PARD3B: variants seen among roughly 807,000 people sequenced by gnomAD.
PARD3B encodes partitioning defective 3 homolog B.
In PARD3B, 103 loss-of-function variants were observed where a neutral mutation model predicts 130.2. That is an observed-to-expected ratio of 0.79 (90% CI 0.67 to 0.93). The LOEUF (loss-of-function observed/expected upper bound fraction) is 0.93. PARD3B is among the 40% of genes least tolerant of loss of function. The pLI, the probability that PARD3B is intolerant of heterozygous loss-of-function variation, is 0.00. For synonymous variants in PARD3B, 583 were observed against 553.2 expected, an observed-to-expected ratio of 1.05 and a Z score of -0.76; for missense variants, 1,609 against 1,499.2, an observed-to-expected ratio of 1.07 and a Z score of -1.21.
intron 1 of PARD3B, among the ~76,000 whole-genome samples, chr2:204,597,417 C>T (rs1230623976): frequency 1.3e-5 from 2 of 152,060 alleles, no homozygotes; most frequent in Non-Finnish European, 2.9e-5. Context: ...AATTTTCTTG[C>T]CTGTCCAGGT....
intron 2 of PARD3B, among the ~76,000 whole-genome samples, chr2:204,823,939 C>CAAA (rs5837938): frequency 1.4e-3 from 154 of 109,072 alleles, no homozygotes; most frequent in African/African-American, 4.0e-3. Flanking sequence ...GACTCAGTCT[C>CAAA]AAAAAAAAAA....
intron 20 of PARD3B, among the ~76,000 whole-genome samples, chr2:205,445,484 T>C (rs1002874549): frequency 6.6e-6 from 1 of 152,068 alleles, no homozygotes; most frequent in African/African-American, 2.4e-5. Context: ...AGGCAGGTCT[T>C]ACATGGCAGG....
At chr2:205,013,782 G>A (rs1017381635) in intron 3 of PARD3B, among the ~76,000 whole-genome samples, 10 of 152,128 alleles carry the variant, frequency 6.6e-5, no homozygotes, top group African/African-American at 2.4e-4. Flanking sequence ...AGCAACTGTG[G>A]CGGGTTCACA....
intron 2 of PARD3B, among the ~76,000 whole-genome samples, chr2:204,792,688 T>C (rs2042239047): frequency 6.6e-6 from 1 of 152,084 alleles, no homozygotes. Context: ...CTTCAAATAT[T>C]GTACCTAAAA....
In PARD3B at chr2:204,790,871, G is replaced by A. The variant is rs1306065445; in HGVS notation, c.222+104589G>A. ...TGTAATACCAGCCCTTTGGGAGGCT[G>A]AGGCAGGCAGATCACCTGAAGTCAG... On this transcript the variant is annotated intron_variant, in intron 2 of 22. Coordinates refer to ENST00000406610, the MANE Select transcript of PARD3B (RefSeq NM_001302769.2). Among the ~76,000 whole-genome samples the A allele has an allele frequency of 3.3e-5, 5 of 152,168 alleles. No homozygotes were observed. In the East Asian group the frequency reaches 9.6e-4, roughly 29 times the overall value.
intron 1 of PARD3B, among the ~76,000 whole-genome samples, chr2:204,552,850 A>G (rs555882056): frequency 4.6e-5 from 7 of 152,260 alleles, no homozygotes; most frequent in South Asian, 2.1e-4. Flanking sequence ...TTCTGTTCCA[A>G]TGGTCTATGG....
chr2:204,791,552 A>G (rs572107500), intron 2 of PARD3B, among the ~76,000 whole-genome samples: 1 of 152,244 alleles, frequency 6.6e-6, no homozygotes, highest in Non-Finnish European at 1.5e-5. Flanking sequence ...TGAATCTCAG[A>G]AACCATTTTG....
In PARD3B at chr2:205,499,178, G is replaced by C. The variant is rs374381727; in HGVS notation, c.3045-718G>C. On this transcript the variant is annotated intron_variant, in intron 20 of 22. Transcript: ENST00000406610. Reference sequence around the variant, plus strand: ...CAATAACCTAATCTAAGCTACAAGGGAGGTGCTAGCTGAGCAGTTTGGGGT... The same window carrying C: ...CAATAACCTAATCTAAGCTACAAGGCAGGTGCTAGCTGAGCAGTTTGGGGT... 6.6e-5 allele frequency among the ~76,000 whole-genome samples: 10 copies of C among 152,202 alleles called. No homozygotes were observed. In the East Asian group the frequency reaches 1.2e-3, roughly 18 times the overall value.
At chr2:204,702,434 G>T (rs190728095) in intron 2 of PARD3B, among the ~76,000 whole-genome samples, 1 of 152,042 alleles carries the variant, frequency 6.6e-6, no homozygotes, top group East Asian at 1.9e-4. Context: ...AAGCCATTCT[G>T]ACTGGTATAA....
intron 1 of PARD3B, among the ~76,000 whole-genome samples, chr2:204,549,966 G>T (rs1313844276): frequency 6.6e-6 from 1 of 151,828 alleles, no homozygotes. Flanking sequence ...ATTTGTTAGA[G>T]TATTTATTGA....
At chr2:204,757,861 C>G (rs987746363) in intron 2 of PARD3B, among the ~76,000 whole-genome samples, 2 of 151,998 alleles carry the variant, frequency 1.3e-5, no homozygotes, top group African/African-American at 4.8e-5. Context: ...TATGAGGAAA[C>G]AAGAAAAGTC....
intron 15 of PARD3B, among the ~76,000 whole-genome samples, chr2:205,203,365 T>C (rs1369385701): frequency 6.6e-6 from 1 of 152,126 alleles, no homozygotes; most frequent in East Asian, 1.9e-4. Context: ...GCTCTGTATC[T>C]AGGATTCTAA....
chr2:205,576,255 T>G (rs11689931), intron 22 of PARD3B, among the ~76,000 whole-genome samples: 42,496 of 151,684 alleles, frequency 0.28, 6,185 homozygotes, highest in African/African-American at 0.32. Flanking sequence ...ACATTCTATG[T>G]ATATTTTGAT....
intron 2 of PARD3B, among the ~76,000 whole-genome samples, chr2:204,926,418 G>A (rs754167935): frequency 2.0e-5 from 3 of 152,120 alleles, no homozygotes; most frequent in South Asian, 4.2e-4. Context: ...AAGTTCCTAG[G>A]TGAAATTGTT....
At chr2:205,118,788 A>G in intron 6 of PARD3B, 133 bp from the exon 7 acceptor site, 1 of 684,458 alleles carries the variant, frequency 1.5e-6, no homozygotes, top group Non-Finnish European at 2.2e-6. Context: ...AAAATAACAA[A>G]CAGTTGCCTG....
chr2:204,894,664 A>G (rs942192409), intron 2 of PARD3B, among the ~76,000 whole-genome samples: 2 of 152,104 alleles, frequency 1.3e-5, no homozygotes, highest in Admixed American at 1.3e-4. Flanking sequence ...AGAAATAAAC[A>G]CTGTAAAACC....
intron 2 of PARD3B, among the ~76,000 whole-genome samples, chr2:204,701,476 A>G (rs1375015361): frequency 6.6e-6 from 1 of 152,088 alleles, no homozygotes; most frequent in East Asian, 1.9e-4. Flanking sequence ...TTTATAGGTG[A>G]TTATTGGTAA....
chr2:205,023,137 G>T (rs1696748278), intron 3 of PARD3B, among the ~76,000 whole-genome samples: 1 of 152,138 alleles, frequency 6.6e-6, no homozygotes, highest in African/African-American at 2.4e-5. Flanking sequence ...GAGAGTGTCG[G>T]GGGGATTAGA....
chr2:205,237,703 A>G (rs1012788619), intron 15 of PARD3B, among the ~76,000 whole-genome samples: 4 of 152,230 alleles, frequency 2.6e-5, no homozygotes, highest in Non-Finnish European at 5.9e-5. Flanking sequence ...AAGCCAAAAA[A>G]TAGAGAGGAA....
Sources: allele counts gnomAD v4.1 joint callset (sites outside exome capture counted in the v4.1 genomes callset), GRCh38; gene constraint gnomAD v4.1.1; transcripts MANE v1.5; gene names NCBI Gene and HGNC (gene_info 2026-07-23, HGNC 2026-07-21).